ASIC2: variants seen among roughly 807,000 people sequenced by gnomAD.
ASIC2 encodes the protein acid-sensing ion channel 2.
In ASIC2, 25 loss-of-function variants were observed where a neutral mutation model predicts 57.3. The observed-to-expected ratio is 0.44, with a 90% CI of 0.32 to 0.61. The LOEUF (loss-of-function observed/expected upper bound fraction) is 0.61. ASIC2 is among the 20% of genes least tolerant of loss of function. The probability of loss-of-function intolerance (pLI) is 0.06; values close to 1 mark genes in which losing one functional copy is unlikely to be tolerated. For missense variants in ASIC2, 641 were observed against 738.1 expected, an observed-to-expected ratio of 0.87 and a Z score of 1.52; for synonymous variants, 319 against 307.5, an observed-to-expected ratio of 1.04 and a Z score of -0.39.
chr17:33,859,784 A>G (rs1285104686), intron 1 of ASIC2, among the ~76,000 whole-genome samples: 1 of 152,168 alleles, frequency 6.6e-6, no homozygotes, highest in Non-Finnish European at 1.5e-5. Flanking sequence ...TCCTGGGCTC[A>G]AGCTATCCTC....
At chr17:33,662,419 G>A (rs1375152044) in intron 1 of ASIC2, among the ~76,000 whole-genome samples, 1 of 151,902 alleles carries the variant, frequency 6.6e-6, no homozygotes. Flanking sequence ...TCAGGAGTTT[G>A]AGACCAGCCT....
At chr17:33,636,741 GAC>G (rs1349042424) in intron 1 of ASIC2, among the ~76,000 whole-genome samples, 1 of 152,036 alleles carries the variant, frequency 6.6e-6, no homozygotes, top group Non-Finnish European at 1.5e-5. Context: ...ACAGCACTCA[GAC>G]ACACACCAAT....
chr17:33,110,733 G>A (rs1451741960), intron 2 of ASIC2, among the ~76,000 whole-genome samples: 1 of 152,152 alleles, frequency 6.6e-6, no homozygotes, highest in Middle Eastern at 3.2e-3. Context: ...GGTATGGTGA[G>A]TGCCAGACTC....
At chr17:33,698,785 T>C (rs1908607766) in intron 1 of ASIC2, among the ~76,000 whole-genome samples, 1 of 152,028 alleles carries the variant, frequency 6.6e-6, no homozygotes, top group Admixed American at 6.6e-5. Flanking sequence ...TGAGGCTGAA[T>C]GGGGTCTATG....
rs146300636 is a variant in ASIC2 at position 33,015,740 on chromosome 17, G to GA, written c.1590+230dup. On this transcript the variant is annotated intron_variant, in intron 9 of 9. Coordinates refer to ENST00000225823, the MANE Select transcript of ASIC2 (RefSeq NM_183377.2). ...TTGGGCCAGGCAGTTCCTATGTTTG[G>GA]AAGCACCTCCTGGTGTCTGCTGCAT... Among the ~76,000 whole-genome samples the GA allele has an allele frequency of 2.2e-3, 329 of 152,302 alleles. 1 individual carries two copies. Among genetic ancestry groups the GA allele is most frequent in the African/African-American group, 7.7e-3 (322 of 41,554 alleles).
intron 3 of ASIC2, among the ~76,000 whole-genome samples, chr17:33,029,796 A>G (rs1432331371): frequency 6.6e-6 from 1 of 152,190 alleles, no homozygotes; most frequent in East Asian, 1.9e-4. Context: ...CCAAATCTGG[A>G]CTTCGTCCAC....
chr17:33,761,013 T>C (rs1054517767), intron 1 of ASIC2, among the ~76,000 whole-genome samples: 73 of 152,188 alleles, frequency 4.8e-4, no homozygotes, highest in Non-Finnish European at 2.2e-4. Context: ...GATACTCAGG[T>C]AGCTTATTAG....
intron 1 of ASIC2, among the ~76,000 whole-genome samples, chr17:33,595,068 A>G (rs2142006891): frequency 6.6e-6 from 1 of 152,128 alleles, no homozygotes; most frequent in South Asian, 2.1e-4. Context: ...AAAAATTCAA[A>G]CAAAAAAATT....
chr17:34,018,914 GT>G (rs796680487), intron 1 of ASIC2, among the ~76,000 whole-genome samples: 315 of 146,354 alleles, frequency 2.2e-3, no homozygotes, highest in African/African-American at 7.0e-3. Flanking sequence ...CTTTTTGTTT[GT>G]TTTTTTTTTT....
At chr17:33,555,851 C>T (rs1366860642) in intron 1 of ASIC2, among the ~76,000 whole-genome samples, 1 of 152,148 alleles carries the variant, frequency 6.6e-6, no homozygotes, top group Non-Finnish European at 1.5e-5. Flanking sequence ...GATACAGGGA[C>T]TCTAGCTGAG....
intron 1 of ASIC2, among the ~76,000 whole-genome samples, chr17:33,799,402 C>CTTTCT (rs1912030646): frequency 1.6e-5 from 1 of 60,750 alleles, no homozygotes; most frequent in South Asian, 4.9e-4. Flanking sequence ...TTCTTTCTTT[C>CTTTCT]TTTTCTTTCT....
At chr17:33,579,561 A>G (rs1328708673) in intron 1 of ASIC2, among the ~76,000 whole-genome samples, 1 of 152,080 alleles carries the variant, frequency 6.6e-6, no homozygotes, top group Admixed American at 6.6e-5. Flanking sequence ...GAAAGGGCAG[A>G]CCCTACTGGT....
intron 9 of ASIC2, 89 bp downstream of exon 9, chr17:33,015,882 T>G: frequency 7.1e-7 from 1 of 1,415,538 alleles, no homozygotes; most frequent in Non-Finnish European, 9.9e-7. Flanking sequence ...GTGAGTCACA[T>G]CTTTCCTGCC....
chr17:33,050,297 G>C (rs1014173639), intron 3 of ASIC2, among the ~76,000 whole-genome samples: 3 of 152,128 alleles, frequency 2.0e-5, no homozygotes, highest in African/African-American at 7.2e-5. Flanking sequence ...GGGCAAGTTT[G>C]GTTGACAAAA....
chr17:34,118,483 T>TA (rs1391970205), intron 1 of ASIC2: 7 of 152,168 alleles, frequency 4.6e-5, no homozygotes. Flanking sequence ...AAGATCCCAT[T>TA]AAGGTTGATG....
chr17:33,122,661 A>G (rs573035654), intron 1 of ASIC2, among the ~76,000 whole-genome samples: 2 of 152,304 alleles, frequency 1.3e-5, no homozygotes, highest in East Asian at 1.9e-4. Flanking sequence ...TGTAGTTTAA[A>G]TATTCTAAAT....
intron 1 of ASIC2, among the ~76,000 whole-genome samples, chr17:33,309,987 A>G (rs1906341291): frequency 6.7e-6 from 1 of 149,704 alleles, no homozygotes; most frequent in South Asian, 2.2e-4. Flanking sequence ...TTATCAGTCA[A>G]AAATGGTTTC....
intron 1 of ASIC2, among the ~76,000 whole-genome samples, chr17:34,148,046 A>G (rs1197964424): frequency 1.3e-5 from 2 of 152,212 alleles, no homozygotes; most frequent in African/African-American, 4.8e-5. Context: ...CATTAATGGA[A>G]GAACTTTCTA....
intron 1 of ASIC2, among the ~76,000 whole-genome samples, chr17:33,447,912 CAA>C (rs34092157): frequency 2.5e-3 from 183 of 73,076 alleles, no homozygotes; most frequent in African/African-American, 7.2e-3. Context: ...GACTCAGTCT[CAA>C]AAAAAAAAAA....
Sources: allele counts gnomAD v4.1 joint callset (sites outside exome capture counted in the v4.1 genomes callset), GRCh38; gene constraint gnomAD v4.1.1; transcripts MANE v1.5; gene names NCBI Gene and HGNC (gene_info 2026-07-23, HGNC 2026-07-21).